The following MAGI2 variants were observed in gnomAD, a reference collection of about 807,000 sequenced individuals.
The protein encoded by MAGI2 is membrane-associated guanylate kinase, WW and PDZ domain-containing protein 2.
Under a neutral mutation model 133.3 loss-of-function variants are expected in MAGI2, and 35 were observed. The observed-to-expected ratio is 0.26, with a 90% confidence interval of 0.20 to 0.35. The LOEUF is 0.35. Ranked by LOEUF, MAGI2 falls within the 10% of genes least tolerant of loss-of-function variation. MAGI2 has a pLI of 1.00. For missense variants in MAGI2, 1,636 were observed against 1,863.4 expected (o/e 0.88, Z 2.25); for synonymous variants, 729 against 710.6 (o/e 1.03, Z -0.41).
intron 1 of MAGI2, among the ~76,000 whole-genome samples, chr7:79,159,162 T>C (rs1174173954): frequency 3.3e-5 from 5 of 152,142 alleles, no homozygotes; most frequent in African/African-American, 9.6e-5. Flanking sequence ...TAAAATAAAA[T>C]GACTAGATTG....
intron 1 of MAGI2, among the ~76,000 whole-genome samples, chr7:79,292,499 G>A (rs1836567844): frequency 6.6e-6 from 1 of 151,564 alleles, no homozygotes; most frequent in African/African-American, 2.4e-5. Context: ...AGGTCTGGTG[G>A]CATGTGCCTG....
intron 1 of MAGI2, among the ~76,000 whole-genome samples, chr7:79,165,171 T>C: frequency 6.6e-6 from 1 of 151,056 alleles, no homozygotes; most frequent in South Asian, 2.1e-4. Context: ...TTTTTTTGTT[T>C]GTTTTTTGTT....
chr7:78,279,853 C>T (rs545991937), intron 9 of MAGI2, among the ~76,000 whole-genome samples: 39 of 152,238 alleles, frequency 2.6e-4, no homozygotes, highest in South Asian at 1.2e-3. Context: ...TTAACTAAAG[C>T]GGCAGTGCTT....
At chr7:78,949,510 A>C (rs1801698982) in intron 2 of MAGI2, among the ~76,000 whole-genome samples, 1 of 152,202 alleles carries the variant, frequency 6.6e-6, no homozygotes, top group Non-Finnish European at 1.5e-5. Flanking sequence ...GCATATAAAG[A>C]AAGCATGCTT....
chr7:79,129,960 C>T (rs977468193), intron 1 of MAGI2, among the ~76,000 whole-genome samples: 7 of 152,062 alleles, frequency 4.6e-5, no homozygotes, highest in African/African-American at 1.7e-4. Flanking sequence ...CATTTGTACT[C>T]ATTTTAGAAT....
chr7:78,132,126 C>T (rs1821620929), intron 18 of MAGI2, among the ~76,000 whole-genome samples: 1 of 152,194 alleles, frequency 6.6e-6, no homozygotes, highest in South Asian at 2.1e-4. Context: ...CCTCACACCT[C>T]GGTTTCCCAA....
chr7:78,428,358 G>A (rs1377838919), intron 6 of MAGI2, among the ~76,000 whole-genome samples: 1 of 152,118 alleles, frequency 6.6e-6, no homozygotes, highest in East Asian at 1.9e-4. Flanking sequence ...TATAAAATTT[G>A]TTAAATGCAA....
intron 10 of MAGI2, among the ~76,000 whole-genome samples, chr7:78,239,056 T>C (rs1264523809): frequency 6.6e-6 from 1 of 152,032 alleles, no homozygotes; most frequent in African/African-American, 2.4e-5. Flanking sequence ...TGGATATCTC[T>C]ACAGCTTGCT....
chr7:79,009,046 C>A (rs1243523218), intron 1 of MAGI2: 1 of 151,960 alleles, frequency 6.6e-6, no homozygotes, highest in African/African-American at 2.4e-5. Flanking sequence ...ATATGTGGGA[C>A]ATACCAAGTG....
intron 1 of MAGI2, among the ~76,000 whole-genome samples, chr7:79,120,216 A>G (rs184830416): frequency 1.7e-4 from 26 of 152,180 alleles, no homozygotes; most frequent in Admixed American, 7.9e-4. Context: ...ATCTTTTGGT[A>G]TAAAAGTCAT....
In MAGI2 at chr7:78,572,351, C is replaced by T. The variant is rs117870841; in HGVS notation, c.539-50706G>A. 8.4e-3 allele frequency among the ~76,000 whole-genome samples: 1,273 copies of T among 152,192 alleles called. 51 individuals are homozygous for T. Among genetic ancestry groups the T allele is most frequent in the Admixed American group, 0.07 (1,075 of 15,284 alleles). ...TGAAATGCAAATTTAACACTCTCAT[C>T]AAGTAAGTCTAACTTTCATCCTTGG... On this transcript the variant is annotated intron_variant, in intron 3 of 21. Coordinates refer to ENST00000354212, the MANE Select transcript of MAGI2 (RefSeq NM_012301.4).
chr7:79,013,476 A>G (rs904751619), intron 1 of MAGI2, among the ~76,000 whole-genome samples: 1 of 152,192 alleles, frequency 6.6e-6, no homozygotes, highest in Non-Finnish European at 1.5e-5. Flanking sequence ...TGGATGGTGG[A>G]TAAGTTGAGG....
intron 1 of MAGI2, among the ~76,000 whole-genome samples, chr7:79,283,266 T>C (rs1835781064): frequency 6.6e-6 from 1 of 152,108 alleles, no homozygotes. Context: ...ACAGAGGACA[T>C]ATAAATGCAT....
At chr7:78,125,621 C>G in intron 20 of MAGI2, 73 bp downstream of exon 20, 1 of 1,520,736 alleles carries the variant, frequency 6.6e-7, no homozygotes, top group Non-Finnish European at 9.0e-7. Flanking sequence ...CAGCATGCTT[C>G]AGTACTCTTC....
intron 2 of MAGI2, among the ~76,000 whole-genome samples, chr7:78,754,492 GACTC>G (rs1191659080): frequency 2.0e-5 from 3 of 152,176 alleles, no homozygotes; most frequent in African/African-American, 7.2e-5. Flanking sequence ...GATAAACATG[GACTC>G]ACTGACATTT....
intron 10 of MAGI2, among the ~76,000 whole-genome samples, chr7:78,207,144 GT>G (rs1033556679): frequency 6.0e-5 from 9 of 151,190 alleles, no homozygotes; most frequent in Admixed American, 5.3e-4. Context: ...AATGGAGAGA[GT>G]TTTTTTTTCA....
chr7:78,640,945 G>C (rs904340447), intron 2 of MAGI2, among the ~76,000 whole-genome samples: 3 of 152,174 alleles, frequency 2.0e-5, no homozygotes, highest in African/African-American at 4.8e-5. Flanking sequence ...TCATGGGAGG[G>C]AACAGGTGGA....
chr7:78,952,498 G>C (rs1440980219), intron 2 of MAGI2, among the ~76,000 whole-genome samples: 1 of 151,982 alleles, frequency 6.6e-6, no homozygotes, highest in Non-Finnish European at 1.5e-5. Flanking sequence ...AGCCTACTCT[G>C]AGTCGTGCTG....
At chr7:78,477,206 TG>T (rs1412996516) in intron 6 of MAGI2, among the ~76,000 whole-genome samples, 1 of 151,954 alleles carries the variant, frequency 6.6e-6, no homozygotes, top group Non-Finnish European at 1.5e-5. Flanking sequence ...ACTTAATGCC[TG>T]GCAGTGTGAT....
Sources: gnomAD v4.1 joint callset for allele counts (sites outside exome capture counted in the v4.1 genomes callset) on GRCh38, gnomAD v4.1.1 for gene constraint, MANE v1.5 for transcripts, NCBI Gene and HGNC (gene_info 2026-07-23, HGNC 2026-07-21) for gene names.